Variants in TNIK observed in about 807,000 individuals in gnomAD.
TNIK encodes the protein TRAF2 and NCK interacting kinase, also known as TRAF2 and NCK-interacting protein kinase.
Under a neutral mutation model 191.3 loss-of-function variants are expected in TNIK, and 49 were observed. The observed-to-expected ratio is 0.26, with a 90% confidence interval of 0.20 to 0.32. The LOEUF (loss-of-function observed/expected upper bound fraction) is 0.32. TNIK is among the 10% of genes least tolerant of loss of function. TNIK has a pLI of 1.00. For missense variants in TNIK, 1,155 were observed against 1,702.3 expected, an observed-to-expected ratio of 0.68 and a Z score of 5.66; for synonymous variants, 594 against 600.9, an observed-to-expected ratio of 0.99 and a Z score of 0.17.
intron 3 of TNIK, 142 bp downstream of exon 3, chr3:171,228,023 G>T (rs1010779423): frequency 3.1e-5 from 28 of 916,448 alleles, no homozygotes; most frequent in Non-Finnish European, 4.1e-5. Flanking sequence ...GCTAAGCTAT[G>T]ATGTTCAACA....
chr3:171,228,778 C>A (rs368280834), intron 2 of TNIK, among the ~76,000 whole-genome samples: 1 of 152,102 alleles, frequency 6.6e-6, no homozygotes, highest in Non-Finnish European at 1.5e-5. Flanking sequence ...ACTGCTTCCC[C>A]AAGGTGGGCT....
chr3:171,460,217 G>T lies in TNIK; in HGVS notation c.-154C>A, dbSNP rs1729315404. 5.3e-6 allele frequency: 5 copies of T among 939,168 alleles called. No individual in the cohort carries two copies. The Admixed American group carries it at 6.9e-5, about 13-fold the overall frequency. The allele number at this position is 939,168 out of a possible 1,614,324, so 58.2% of individuals were successfully genotyped here. A position where few individuals can be genotyped will look rare whatever the true frequency, so the allele number is the denominator to read the frequency against. ...CCGCCCACCCCAGCCCCACAGCGCC[G>T]GATCCCGATCCTCCGCGCGTCGGTC... On this transcript the variant is annotated 5_prime_UTR_variant, in exon 1 of 33. Transcript: ENST00000436636. This position sits in a 1 kb window ranked among gnomAD's most constrained non-coding sequence, Gnocchi z 6.8.
At chr3:171,389,859 C>G (rs1219131029) in intron 1 of TNIK, among the ~76,000 whole-genome samples, 2 of 152,166 alleles carry the variant, frequency 1.3e-5, no homozygotes, top group African/African-American at 4.8e-5. Context: ...TGAAACTTTA[C>G]AACAAATTCC....
chr3:171,399,226 T>G (rs1560022562), intron 1 of TNIK, among the ~76,000 whole-genome samples: 1 of 152,232 alleles, frequency 6.6e-6, no homozygotes. Context: ...GTGGCAGGAC[T>G]TGCCATTTAT....
chr3:171,436,105 A>G (rs1577930875), intron 1 of TNIK, among the ~76,000 whole-genome samples: 1 of 149,962 alleles, frequency 6.7e-6, no homozygotes, highest in African/African-American at 2.4e-5. Context: ...TTTCAGCTCC[A>G]TGAAACTCCC....
intron 6 of TNIK, among the ~76,000 whole-genome samples, chr3:171,190,449 C>CA (rs1222860354): frequency 1.3e-5 from 2 of 152,002 alleles, no homozygotes; most frequent in African/African-American, 4.8e-5. Flanking sequence ...TCTGCTGAAA[C>CA]AAAAAAATCT....
chr3:171,139,238 A>C (rs754877809), intron 14 of TNIK, among the ~76,000 whole-genome samples: 2 of 152,256 alleles, frequency 1.3e-5, no homozygotes, highest in Non-Finnish European at 2.9e-5. Flanking sequence ...TAAAGAATGC[A>C]TAACAACTGT....
intron 1 of TNIK, among the ~76,000 whole-genome samples, chr3:171,454,463 A>G (rs890333886): frequency 6.6e-6 from 1 of 152,228 alleles, no homozygotes; most frequent in Non-Finnish European, 1.5e-5. Context: ...AAAATATTAC[A>G]TGACCTCCTA....
chr3:171,192,632 C>T (rs779303650), intron 5 of TNIK, among the ~76,000 whole-genome samples: 3 of 152,214 alleles, frequency 2.0e-5, no homozygotes, highest in Non-Finnish European at 4.4e-5. Flanking sequence ...TAGGGTTCCC[C>T]AGCAGTGCAG....
chr3:171,324,144 AAG>A (rs71999634), intron 2 of TNIK, among the ~76,000 whole-genome samples: 45,996 of 151,034 alleles, frequency 0.3, 7,230 homozygotes, highest in African/African-American at 0.38. Context: ...TAAAATGTGA[AAG>A]AGAGGAGGGA....
intron 1 of TNIK, among the ~76,000 whole-genome samples, chr3:171,401,278 G>A (rs112500125): frequency 0.015 from 2,237 of 152,134 alleles, 28 homozygotes; most frequent in Non-Finnish European, 0.022. Context: ...AATCTCCTGT[G>A]GCAATTTTAC....
At position 171,077,071 on chromosome 3, in the gene TNIK, T is replaced by TCC. The variant is rs34196156; in HGVS notation, c.3448+2445_3448+2446dup. ...ACCATGGTTACATTTCCTTTCTTGT[T>TCC]CCCCCCCCCCTTTTTTTTTATACTT... On this transcript the variant is annotated intron_variant, in intron 28 of 32. Transcript: ENST00000436636. Among the ~76,000 whole-genome samples, 427 of 142,956 alleles carry TCC rather than the reference T, an allele frequency of 3.0e-3. 1 individual carries two copies. Among genetic ancestry groups the TCC allele is most frequent in the African/African-American group, 8.1e-3 (309 of 37,928 alleles). The allele number at this position is 142,956 out of a possible 152,430, so 93.8% of individuals were successfully genotyped here. A position where few individuals can be genotyped will look rare whatever the true frequency, so the allele number is the denominator to read the frequency against.
chr3:171,161,218 C>A (rs1156436691), intron 11 of TNIK, 52 bp downstream of exon 11: 3 of 1,565,618 alleles, frequency 1.9e-6, no homozygotes, highest in Non-Finnish European at 2.6e-6. Flanking sequence ...GAATTTCACA[C>A]AAGCACAATT....
At position 171,398,984 on chromosome 3, in the gene TNIK, A is replaced by G. The variant is rs188822697; in HGVS notation, c.58-29299T>C. Among the ~76,000 whole-genome samples, 212 of 152,112 alleles carry G rather than the reference A, an allele frequency of 1.4e-3. 2 individuals carry two copies. Among genetic ancestry groups the G allele is most frequent in the East Asian group, 0.011 (59 of 5,162 alleles). On this transcript the variant is annotated intron_variant, in intron 1 of 32. Coordinates refer to ENST00000436636, the MANE Select transcript of TNIK (RefSeq NM_015028.4). ...TCTCTGTGCTCCCAGGGGACTTCTC[A>G]CCCACAGTAGGTCACTTCTCTGTCT...
At chr3:171,428,458 T>C (rs1724928295) in intron 1 of TNIK, among the ~76,000 whole-genome samples, 1 of 152,098 alleles carries the variant, frequency 6.6e-6, no homozygotes, top group Admixed American at 6.6e-5. Flanking sequence ...CACTGCTTCC[T>C]GCCCCCTGTG....
At chr3:171,113,722 A>G (rs1376922161) in intron 18 of TNIK, among the ~76,000 whole-genome samples, 1 of 152,022 alleles carries the variant, frequency 6.6e-6, no homozygotes, top group African/African-American at 2.4e-5. Flanking sequence ...CCCACCAAAA[A>G]AAGCAGTATT....
At chr3:171,105,399 C>A (rs1724634023) in intron 21 of TNIK, among the ~76,000 whole-genome samples, 1 of 152,140 alleles carries the variant, frequency 6.6e-6, no homozygotes, top group Non-Finnish European at 1.5e-5. Flanking sequence ...TGGTGACAAC[C>A]AAAACTGTCT....
intron 2 of TNIK, among the ~76,000 whole-genome samples, chr3:171,292,548 G>A (rs1027890167): frequency 5.3e-5 from 8 of 152,064 alleles, no homozygotes; most frequent in Non-Finnish European, 7.4e-5. Flanking sequence ...AGGCCCAGGC[G>A]GGCGGAACAT....
intron 24 of TNIK, 136 bp from the exon 25 acceptor site, chr3:171,085,365 TCAGTGCGTG>T: frequency 1.3e-6 from 1 of 751,650 alleles, no homozygotes; most frequent in South Asian, 2.6e-5. Flanking sequence ...AGTGCTCTAG[TCAGTGCGTG>T]CCTGTCTCCA....
Sources: allele counts gnomAD v4.1 joint callset (sites outside exome capture counted in the v4.1 genomes callset), GRCh38; gene constraint gnomAD v4.1.1; non-coding constraint Gnocchi (gnomAD v3.1); transcripts MANE v1.5; gene names NCBI Gene and HGNC (gene_info 2026-07-23, HGNC 2026-07-21).